KIF20B: variants seen among roughly 807,000 people sequenced by gnomAD.
KIF20B encodes the protein kinesin family member 20B.
KIF20B carries 188 observed loss-of-function variants against 232.5 expected under a neutral mutation model. The ratio of observed to expected loss-of-function variants is 0.81; its 90% confidence interval spans 0.72 to 0.91. The LOEUF is 0.91. Among genes scored for constraint, KIF20B ranks in the 40% least tolerant of loss-of-function variants. KIF20B has a pLI of 0.00. For synonymous variants in KIF20B, 712 were observed against 683.0 expected, an observed-to-expected ratio of 1.04 and a Z score of -0.66; for missense variants, 2,154 against 2,055.9, an observed-to-expected ratio of 1.05 and a Z score of -0.92.
chr10:89,740,250 T>A (rs1589869146), intron 21 of KIF20B, among the ~76,000 whole-genome samples: 1 of 123,234 alleles, frequency 8.1e-6, no homozygotes, highest in Admixed American at 8.5e-5. Context: ...TTTTTTTTTT[T>A]AAAGTATGTA....
intron 22 of KIF20B, 113 bp downstream of exon 22, chr10:89,744,040 T>G: frequency 2.5e-6 from 2 of 796,624 alleles, no homozygotes; most frequent in South Asian, 4.6e-5. Context: ...TTTTCTAGAA[T>G]CTAGAAATAA....
chr10:89,732,309 G>A (rs1042434590), intron 18 of KIF20B, among the ~76,000 whole-genome samples: 1 of 152,046 alleles, frequency 6.6e-6, no homozygotes, highest in African/African-American at 2.4e-5. Flanking sequence ...TTTTTGTAGA[G>A]ACGGGTTCTC....
chr10:89,737,873 A>G lies in KIF20B; in HGVS notation c.3032A>G (p.Asp1011Gly). The change falls in exon 20 of 33, where the codon GAT becomes GGT. Residue 1011 changes from aspartate (D) to glycine (G), a missense_variant. Physicochemically the swap from Asp to Gly is moderately conservative, Grantham distance 94. Transcript: ENST00000371728. ...ISNIDLLNLR[D>G]LSNGSEEDNL... ...AACATAGATTTGCTCAATCTCAGGG[A>G]TCTGTCAAATGGTTCTGAGGAGGAT... is the stretch of plus-strand genomic sequence containing the variant. 1 of 1,613,518 alleles carries G rather than the reference A, an allele frequency of 6.2e-7. No homozygotes were observed. The highest frequency in any genetic ancestry group is 8.5e-7 in the Non-Finnish European group (1 of 1,179,536).
At chr10:89,736,464 G>T (rs1415455776) in intron 19 of KIF20B, among the ~76,000 whole-genome samples, 1 of 152,134 alleles carries the variant, frequency 6.6e-6, no homozygotes, top group Admixed American at 6.5e-5. Flanking sequence ...TAGTGTATCT[G>T]TTCTGGGTAT....
In KIF20B at chr10:89,762,494, A is replaced by C. The variant is rs554400543; in HGVS notation, c.4792-144A>C. ...CCTGAAGAAAGTAGATGATTGCTCAATCTTTCTGTTCTTGCTGTGATCTAG... is the reference window on the plus strand; with the variant it reads ...CCTGAAGAAAGTAGATGATTGCTCACTCTTTCTGTTCTTGCTGTGATCTAG... On this transcript the variant is annotated intron_variant, in intron 28 of 32. Coordinates refer to ENST00000371728, the MANE Select transcript of KIF20B (RefSeq NM_001284259.2). 6 of 617,766 alleles carry C rather than the reference A, an allele frequency of 9.7e-6. No individual in the cohort carries two copies. In the South Asian group the frequency reaches 1.2e-4, roughly 13 times the overall value. 38.3% of individuals were successfully genotyped at this position (617,766 alleles called of 1,614,324 possible). A position where few individuals can be genotyped will look rare whatever the true frequency, so the allele number is the denominator to read the frequency against.
chr10:89,725,594 T>G (rs1843166977), intron 15 of KIF20B, among the ~76,000 whole-genome samples: 1 of 152,106 alleles, frequency 6.6e-6, no homozygotes. Context: ...TTTTAAAATT[T>G]TATTTGTTTA....
At chr10:89,759,685 C>T (rs553779800) in intron 27 of KIF20B, among the ~76,000 whole-genome samples, 134 of 152,180 alleles carry the variant, frequency 8.8e-4, no homozygotes, top group African/African-American at 2.9e-3. Context: ...TGATCTTTAT[C>T]TAAAACAGGT....
chr10:89,743,302 T>C (rs1279081787), intron 21 of KIF20B, among the ~76,000 whole-genome samples: 1 of 152,252 alleles, frequency 6.6e-6, no homozygotes, highest in Non-Finnish European at 1.5e-5. Context: ...GGCATTAGAT[T>C]ACCGGCAACA....
chr10:89,767,835 G>A (rs1448329036), intron 29 of KIF20B, among the ~76,000 whole-genome samples: 2 of 151,768 alleles, frequency 1.3e-5, no homozygotes, highest in Admixed American at 6.6e-5. Flanking sequence ...TTGGGAGTTA[G>A]GCAATAGGTA....
intron 9 of KIF20B, among the ~76,000 whole-genome samples, chr10:89,716,987 C>T (rs902890992): frequency 1.3e-5 from 2 of 152,090 alleles, no homozygotes; most frequent in Admixed American, 6.5e-5. Flanking sequence ...TTAAAGCAGG[C>T]TTTTTCTTAG....
intron 22 of KIF20B, among the ~76,000 whole-genome samples, chr10:89,745,552 TAAAG>T (rs1476996205): frequency 6.6e-6 from 1 of 150,696 alleles, no homozygotes; most frequent in African/African-American, 2.5e-5. Context: ...AATAAATAAA[TAAAG>T]ACATATAAAG....
intron 2 of KIF20B, 64 bp from the exon 3 acceptor site, chr10:89,709,102 GA>G: frequency 3.5e-6 from 4 of 1,140,590 alleles, no homozygotes; most frequent in Non-Finnish European, 3.9e-6. Context: ...CCATGTTAAG[GA>G]AAAATGGTCT....
chr10:89,743,224 A>G (rs576232944), intron 21 of KIF20B, among the ~76,000 whole-genome samples: 4 of 152,162 alleles, frequency 2.6e-5, no homozygotes, highest in Non-Finnish European at 5.9e-5. Context: ...ATGTACCTAT[A>G]TTAGCTTTTT....
intron 22 of KIF20B, 76 bp from the exon 23 acceptor site, chr10:89,745,823 C>G: frequency 2.1e-6 from 2 of 943,920 alleles, no homozygotes; most frequent in South Asian, 1.4e-5. Context: ...ATATTGAGCC[C>G]TGTTTTCAAG....
At chr10:89,723,934 T>C in intron 13 of KIF20B, 30 bp from the exon 14 acceptor site, 2 of 1,439,724 alleles carry the variant, frequency 1.4e-6, no homozygotes, top group Non-Finnish European at 1.9e-6. Flanking sequence ...TTTATTCTTT[T>C]ATAAGAATTT....
chr10:89,712,373 C>A (rs1842850841), intron 6 of KIF20B, among the ~76,000 whole-genome samples: 1 of 151,968 alleles, frequency 6.6e-6, no homozygotes, highest in African/African-American at 2.4e-5. Flanking sequence ...CCTGCCTCGA[C>A]CTCCTCTGAA....
chr10:89,765,481 A>G (rs888925022), intron 29 of KIF20B, among the ~76,000 whole-genome samples: 2 of 152,268 alleles, frequency 1.3e-5, no homozygotes, highest in East Asian at 1.9e-4. Flanking sequence ...TATAGATTCA[A>G]TGCCATCCCC....
chr10:89,737,730 AT>A lies in KIF20B; in HGVS notation c.2891del (p.Leu964CysfsTer5). On this transcript the variant is annotated frameshift_variant, in exon 20 of 33. Coordinates refer to ENST00000371728, the MANE Select transcript of KIF20B (RefSeq NM_001284259.2). LOFTEE classifies it high-confidence loss of function. ...NQEQEEKIMKLSNEIETATRS... is the reference protein window; with the variant it reads ...NQEQEEKIMKXSNEIETATRS... ...AAGAACAGGAGGAAAAGATCATGAAATTGTCAAATGAGATAGAAACTGCTAC... is the reference window on the plus strand; with the variant it reads ...AAGAACAGGAGGAAAAGATCATGAAATGTCAAATGAGATAGAAACTGCTAC... 6.2e-7 allele frequency: 1 copy of A among 1,612,720 alleles called. No individual in the cohort carries two copies. The highest frequency in any genetic ancestry group is 8.5e-7 in the Non-Finnish European group (1 of 1,179,352).
chr10:89,724,169 TTACTTAG>T, intron 14 of KIF20B, 66 bp downstream of exon 14: 4 of 1,354,288 alleles, frequency 3.0e-6, no homozygotes, highest in Non-Finnish European at 3.9e-6. Context: ...GTTTTTTTTT[TTACTTAG>T]TTTACTTTTT....
Sources: allele counts gnomAD v4.1 joint callset (sites outside exome capture counted in the v4.1 genomes callset), GRCh38; gene constraint gnomAD v4.1.1; transcripts MANE v1.5; gene names NCBI Gene and HGNC (gene_info 2026-07-23, HGNC 2026-07-21).